The following DPY19L1 variants were observed in gnomAD, a reference collection of about 807,000 sequenced individuals.
DPY19L1 encodes the protein dpy-19 like C-mannosyltransferase 1.
A neutral mutation model predicts 96.9 loss-of-function variants in DPY19L1; 35 were observed. The ratio of observed to expected loss-of-function variants is 0.36; its 90% confidence interval spans 0.28 to 0.48. The LOEUF is 0.48. Among genes scored for constraint, DPY19L1 ranks in the 20% least tolerant of loss-of-function variants. The probability of loss-of-function intolerance (pLI) is 0.99; values close to 1 mark genes in which losing one functional copy is unlikely to be tolerated. For missense variants in DPY19L1, 521 were observed against 777.9 expected (o/e 0.67, Z 3.93); for synonymous variants, 205 against 252.6 (o/e 0.81, Z 1.79).
At chr7:35,018,206 G>A (rs1785906379) in intron 2 of DPY19L1, among the ~76,000 whole-genome samples, 1 of 152,096 alleles carries the variant, frequency 6.6e-6, no homozygotes, top group South Asian at 2.1e-4. Context: ...AATATTTTAA[G>A]TGAAGTACAA....
chr7:34,989,817 A>G (rs1371319353), intron 7 of DPY19L1, 67 bp downstream of exon 7: 1 of 1,278,198 alleles, frequency 7.8e-7, no homozygotes, highest in Non-Finnish European at 1.1e-6. Context: ...ATGCCATTAT[A>G]GATTAAATTT....
chr7:34,946,702 G>C (rs188772846), intron 15 of DPY19L1, among the ~76,000 whole-genome samples: 3 of 152,302 alleles, frequency 2.0e-5, no homozygotes, highest in East Asian at 3.9e-4. Flanking sequence ...ACCAGACATA[G>C]CCCAACGATA....
At chr7:34,969,810 C>T (rs1784687240) in intron 8 of DPY19L1, among the ~76,000 whole-genome samples, 1 of 152,052 alleles carries the variant, frequency 6.6e-6, no homozygotes, top group Non-Finnish European at 1.5e-5. Flanking sequence ...TTGGTGAATC[C>T]ATGACTGAAT....
At chr7:34,980,669 G>A (rs769780044) in intron 7 of DPY19L1, among the ~76,000 whole-genome samples, 3 of 152,030 alleles carry the variant, frequency 2.0e-5, no homozygotes, top group Non-Finnish European at 2.9e-5. Context: ...ATCTAAATCC[G>A]ATAAGCCATA....
At chr7:35,017,206 A>C (rs1785871272) in intron 3 of DPY19L1, among the ~76,000 whole-genome samples, 1 of 152,028 alleles carries the variant, frequency 6.6e-6, no homozygotes, top group Non-Finnish European at 1.5e-5. Flanking sequence ...TTAAAAAGAG[A>C]TAGTTGGCCG....
At chr7:35,021,471 CT>C (rs1016122809) in intron 1 of DPY19L1, among the ~76,000 whole-genome samples, 2 of 152,292 alleles carry the variant, frequency 1.3e-5, no homozygotes, top group Non-Finnish European at 2.9e-5. Flanking sequence ...TTTTGAATTC[CT>C]TTTTTTCATT....
At chr7:34,963,295 T>G (rs530266057) in intron 10 of DPY19L1, among the ~76,000 whole-genome samples, 10 of 152,090 alleles carry the variant, frequency 6.6e-5, no homozygotes, top group African/African-American at 2.4e-4. Flanking sequence ...AGATATCACC[T>G]TATACCTATT....
Position 34,937,941 on chromosome 7 carries a change from G to C in DPY19L1, c.2090+53C>G. Reference sequence around the variant, plus strand: ...CCAGCAAAGCATGTGCCATGTGCTTGAATTAACCTTCATGTCTTATGATTA... The same window carrying C: ...CCAGCAAAGCATGTGCCATGTGCTTCAATTAACCTTCATGTCTTATGATTA... On this transcript the variant is annotated intron_variant, in intron 21 of 21. Transcript: ENST00000638088. The C allele has an allele frequency of 3.8e-6, 6 of 1,583,862 alleles. No homozygotes were observed. The East Asian group carries it at 1.3e-4, about 36-fold the overall frequency.
intron 19 of DPY19L1, 126 bp downstream of exon 19, chr7:34,940,027 G>A (rs1783963836): frequency 2.4e-6 from 2 of 829,592 alleles, no homozygotes; most frequent in Non-Finnish European, 3.4e-6. Context: ...TATTCTAAAA[G>A]CAACATTGCA....
chr7:34,940,132 T>G, intron 19 of DPY19L1, 21 bp downstream of exon 19: 1 of 1,461,386 alleles, frequency 6.8e-7, no homozygotes, highest in Non-Finnish European at 9.0e-7. Context: ...ATGACTTTTT[T>G]TTTCTTTTTT....
chr7:34,949,146 T>C (rs1264665633), intron 14 of DPY19L1, among the ~76,000 whole-genome samples: 1 of 152,242 alleles, frequency 6.6e-6, no homozygotes, highest in African/African-American at 2.4e-5. Context: ...AACCAGCTCA[T>C]AAAGTATTGC....
chr7:35,024,755 T>C (rs1786082527), intron 1 of DPY19L1, among the ~76,000 whole-genome samples: 1 of 152,244 alleles, frequency 6.6e-6, no homozygotes, highest in Non-Finnish European at 1.5e-5. Flanking sequence ...GCATTTTGTA[T>C]TGCTTATCCA....
At chr7:34,974,541 A>G (rs948752958) in intron 7 of DPY19L1, among the ~76,000 whole-genome samples, 3 of 152,192 alleles carry the variant, frequency 2.0e-5, no homozygotes, top group Admixed American at 6.6e-5. Context: ...ACTGACATAC[A>G]TATCTATTTA....
chr7:35,035,724 C>T (rs1786377950), intron 1 of DPY19L1, among the ~76,000 whole-genome samples: 1 of 152,134 alleles, frequency 6.6e-6, no homozygotes, highest in African/African-American at 2.4e-5. Context: ...AGTAAATTCG[C>T]CATGTGATAA....
intron 6 of DPY19L1, among the ~76,000 whole-genome samples, chr7:35,008,571 T>C (rs1208745123): frequency 6.6e-6 from 1 of 152,236 alleles, no homozygotes; most frequent in African/African-American, 2.4e-5. Flanking sequence ...CACACACTTG[T>C]AGTTCCAGCT....
Position 34,967,742 on chromosome 7 carries a change from T to C in DPY19L1, c.1015-771A>G, listed in dbSNP as rs569549153. ...ACTACAAAAGCATAGCATAAACAGA[T>C]TGCAAAATAGCTGAATACTTAAACA... On this transcript the variant is annotated intron_variant, in intron 9 of 21. Transcript: ENST00000638088. Among the ~76,000 whole-genome samples, 5 of 152,286 alleles carry C rather than the reference T, an allele frequency of 3.3e-5. No individual in the cohort carries two copies. In the South Asian group the frequency reaches 6.2e-4, roughly 19 times the overall value.
intron 7 of DPY19L1, among the ~76,000 whole-genome samples, chr7:34,976,380 T>C (rs533182685): frequency 6.2e-4 from 95 of 152,198 alleles, no homozygotes; most frequent in Non-Finnish European, 1.1e-3. Context: ...AATCTCATGA[T>C]AAAATTTAAA....
intron 6 of DPY19L1, among the ~76,000 whole-genome samples, chr7:34,991,234 T>C (rs1380175624): frequency 6.6e-6 from 1 of 152,164 alleles, no homozygotes; most frequent in African/African-American, 2.4e-5. Flanking sequence ...GAGTGGTAAC[T>C]GGGGAAAACA....
chr7:34,971,580 C>G (rs538028735), intron 8 of DPY19L1, among the ~76,000 whole-genome samples: 1 of 152,204 alleles, frequency 6.6e-6, no homozygotes, highest in South Asian at 2.1e-4. Context: ...GAAATGCCAA[C>G]TGGAATATAA....
Sources: gnomAD v4.1 joint callset for allele counts (sites outside exome capture counted in the v4.1 genomes callset) on GRCh38, gnomAD v4.1.1 for gene constraint, MANE v1.5 for transcripts, NCBI Gene and HGNC (gene_info 2026-07-23, HGNC 2026-07-21) for gene names.